MICU1: variants seen among roughly 807,000 people sequenced by gnomAD.
MICU1 encodes the protein mitochondrial calcium uptake 1, also known as calcium uptake protein 1, mitochondrial.
Under a neutral mutation model 56.8 loss-of-function variants are expected in MICU1, and 45 were observed. The observed-to-expected ratio is 0.79, with a 90% CI of 0.62 to 1.02. MICU1 has a LOEUF of 1.02. MICU1 is among the 50% of genes least tolerant of loss of function. The pLI is 0.00. For missense variants in MICU1, 504 were observed against 587.1 expected (o/e 0.86, Z 1.46); for synonymous variants, 186 against 195.1 (o/e 0.95, Z 0.39).
intron 3 of MICU1, among the ~76,000 whole-genome samples, chr10:72,553,500 T>C (rs1439135707): frequency 6.6e-6 from 1 of 152,240 alleles, no homozygotes; most frequent in African/African-American, 2.4e-5. Flanking sequence ...CCCAAAGTGC[T>C]GGGATTACAG....
At chr10:72,565,203 G>A (rs985935890) in intron 2 of MICU1, among the ~76,000 whole-genome samples, 12 of 151,580 alleles carry the variant, frequency 7.9e-5, no homozygotes, top group African/African-American at 1.5e-4. Flanking sequence ...TGTTTATTGC[G>A]GCACTATTCA....
chr10:72,470,777 T>G (rs1036426597), intron 8 of MICU1, among the ~76,000 whole-genome samples: 1 of 152,120 alleles, frequency 6.6e-6, no homozygotes, highest in Non-Finnish European at 1.5e-5. Context: ...GAAGAATGGA[T>G]TCAGTATTAC....
At chr10:72,378,299 AT>A (rs760189611) in intron 10 of MICU1, among the ~76,000 whole-genome samples, 3 of 152,054 alleles carry the variant, frequency 2.0e-5, no homozygotes, top group Non-Finnish European at 4.4e-5. Flanking sequence ...CCAAAAACAA[AT>A]GGTAATCCCC....
chr10:72,488,274 T>G (rs1866540800), intron 6 of MICU1, among the ~76,000 whole-genome samples: 1 of 151,842 alleles, frequency 6.6e-6, no homozygotes, highest in East Asian at 1.9e-4. Context: ...ATTAAAAAGT[T>G]TAATAAAAAC....
intron 6 of MICU1, among the ~76,000 whole-genome samples, chr10:72,503,239 T>G (rs965873143): frequency 6.6e-6 from 1 of 151,984 alleles, no homozygotes; most frequent in Non-Finnish European, 1.5e-5. Context: ...AAGAAACATA[T>G]AAAGGCACAG....
intron 6 of MICU1, 149 bp from the exon 7 acceptor site, chr10:72,477,405 C>G: frequency 1.6e-6 from 2 of 1,213,500 alleles, no homozygotes; most frequent in Non-Finnish European, 1.2e-6. Flanking sequence ...GAAAATGAAA[C>G]TGCATTTATT....
chr10:72,548,773 T>G (rs1839957893), intron 4 of MICU1, among the ~76,000 whole-genome samples: 1 of 152,236 alleles, frequency 6.6e-6, no homozygotes. Flanking sequence ...CTTGGCTCAC[T>G]GCAACCTCCG....
chr10:72,488,753 A>G (rs1334414210), intron 6 of MICU1, among the ~76,000 whole-genome samples: 1 of 152,128 alleles, frequency 6.6e-6, no homozygotes, highest in African/African-American at 2.4e-5. Flanking sequence ...CTCTTGGCCT[A>G]TAGTTTCTAT....
chr10:72,457,663 A>G (rs563223010), intron 8 of MICU1, among the ~76,000 whole-genome samples: 1 of 152,122 alleles, frequency 6.6e-6, no homozygotes, highest in African/African-American at 2.4e-5. Flanking sequence ...CATCCCAAAT[A>G]GCATTTTACC....
chr10:72,544,600 T>C (rs1839854636), intron 4 of MICU1, among the ~76,000 whole-genome samples: 1 of 152,202 alleles, frequency 6.6e-6, no homozygotes, highest in Non-Finnish European at 1.5e-5. Flanking sequence ...ATTCTCCCCA[T>C]GCCACTGTTT....
intron 1 of MICU1, among the ~76,000 whole-genome samples, chr10:72,569,508 T>G (rs767397987): frequency 9.2e-5 from 14 of 151,906 alleles, no homozygotes; most frequent in Non-Finnish European, 1.6e-4. Context: ...GTGCTGAGAT[T>G]ACAGGCGTGA....
chr10:72,503,483 G>C (rs1158743396), intron 6 of MICU1, among the ~76,000 whole-genome samples: 1 of 152,102 alleles, frequency 6.6e-6, no homozygotes, highest in African/African-American at 2.4e-5. Flanking sequence ...CAGAGGTCAG[G>C]AATGTTGCTA....
chr10:72,415,929 A>T (rs1446776097), intron 9 of MICU1, among the ~76,000 whole-genome samples: 1 of 152,180 alleles, frequency 6.6e-6, no homozygotes, highest in Non-Finnish European at 1.5e-5. Flanking sequence ...GGCTCAGAGG[A>T]CTATTTTTCA....
At chr10:72,461,843 G>A (rs562191886) in intron 8 of MICU1, among the ~76,000 whole-genome samples, 8 of 152,236 alleles carry the variant, frequency 5.3e-5, no homozygotes, top group Middle Eastern at 3.4e-3. Context: ...TCAGTTACTC[G>A]GGAGGCTGAG....
chr10:72,368,853 G>A (rs964057052), intron 11 of MICU1, among the ~76,000 whole-genome samples: 4 of 152,132 alleles, frequency 2.6e-5, no homozygotes, highest in Admixed American at 2.6e-4. Flanking sequence ...GATGAGGGAG[G>A]CATTCCAGGG....
intron 9 of MICU1, 67 bp downstream of exon 9, chr10:72,423,167 C>T: frequency 6.5e-7 from 1 of 1,538,580 alleles, no homozygotes; most frequent in Non-Finnish European, 8.8e-7. Flanking sequence ...TATGTTAATA[C>T]CTTCATATTA....
chr10:72,399,844 G>A (rs908082445), intron 10 of MICU1, among the ~76,000 whole-genome samples: 2 of 152,074 alleles, frequency 1.3e-5, no homozygotes, highest in Non-Finnish European at 2.9e-5. Flanking sequence ...TGTAGTCCCA[G>A]CTACTTGGGA....
intron 8 of MICU1, among the ~76,000 whole-genome samples, chr10:72,458,385 T>C (rs913820648): frequency 5.3e-5 from 8 of 152,116 alleles, no homozygotes; most frequent in Non-Finnish European, 1.0e-4. Context: ...CCATAATATA[T>C]CTACATGGAA....
At chr10:72,529,067 C>A (rs1214987169) in intron 5 of MICU1, among the ~76,000 whole-genome samples, 2 of 152,122 alleles carry the variant, frequency 1.3e-5, no homozygotes, top group African/African-American at 2.4e-5. Flanking sequence ...TTTGACTATA[C>A]TTTTATCTCT....
Sources: gnomAD v4.1 joint callset for allele counts (sites outside exome capture counted in the v4.1 genomes callset) on GRCh38, gnomAD v4.1.1 for gene constraint, MANE v1.5 for transcripts, NCBI Gene and HGNC (gene_info 2026-07-23, HGNC 2026-07-21) for gene names.